AK8: variants seen among roughly 807,000 people sequenced by gnomAD.
AK8 encodes the protein ATP-AMP transphosphorylase 8.
A neutral mutation model predicts 54.6 loss-of-function variants in AK8; 44 were observed. The observed-to-expected ratio is 0.81, with a 90% confidence interval of 0.63 to 1.04. The LOEUF is 1.04. Among genes scored for constraint, AK8 ranks in the 50% least tolerant of loss-of-function variants. AK8 has a pLI of 0.00. For synonymous variants in AK8, 239 were observed against 245.6 expected (o/e 0.97, Z 0.25); for missense variants, 555 against 613.6 (o/e 0.90, Z 1.01).
At chr9:132,871,201 G>A (rs1229088144) in intron 2 of AK8, among the ~76,000 whole-genome samples, 2 of 152,134 alleles carry the variant, frequency 1.3e-5, no homozygotes, top group African/African-American at 2.4e-5. Context: ...AGCTGAGATT[G>A]CGCCATTGCA....
At chr9:132,838,843 G>C (rs1842426471) in intron 5 of AK8, among the ~76,000 whole-genome samples, 1 of 152,222 alleles carries the variant, frequency 6.6e-6, no homozygotes, top group South Asian at 2.1e-4. Context: ...TCATAGGACA[G>C]TCATGCAGGT....
At chr9:132,828,365 G>A (rs533213971) in intron 6 of AK8, among the ~76,000 whole-genome samples, 6 of 152,204 alleles carry the variant, frequency 3.9e-5, no homozygotes, top group East Asian at 3.8e-4. Flanking sequence ...ATCTCTGTGC[G>A]CACTAAATGC....
intron 11 of AK8, among the ~76,000 whole-genome samples, chr9:132,783,765 A>G (rs971872205): frequency 1.3e-5 from 2 of 152,188 alleles, no homozygotes; most frequent in Non-Finnish European, 2.9e-5. Context: ...AAGAAAGCTC[A>G]CAAAATGAAG....
At chr9:132,761,498 C>T (rs11243906) in intron 11 of AK8, among the ~76,000 whole-genome samples, 39,646 of 151,946 alleles carry the variant, frequency 0.26, 7,183 homozygotes, top group African/African-American at 0.51. Context: ...CCTGGCTTCA[C>T]GTATCTGCCC....
Position 132,727,444 on chromosome 9 carries a change from C to A in AK8, c.1202+10G>T. ...CCCAGACTGCCAACCACCAGGAACA[C>A]AGCACAAACCTTTCCCCAGTGACTG... On this transcript the variant is annotated intron_variant, in intron 12 of 12. Transcript: ENST00000298545. 6.2e-7 allele frequency: 1 copy of A among 1,614,012 alleles called. No homozygotes were observed.
chr9:132,740,145 C>T (rs1372016986), intron 11 of AK8, among the ~76,000 whole-genome samples: 2 of 152,254 alleles, frequency 1.3e-5, no homozygotes, highest in African/African-American at 2.4e-5. Flanking sequence ...GCCACAGCAG[C>T]CCCCTAAGGC....
chr9:132,810,384 AAC>A (rs1165375490), intron 10 of AK8, among the ~76,000 whole-genome samples: 1 of 151,956 alleles, frequency 6.6e-6, no homozygotes, highest in Admixed American at 6.6e-5. Flanking sequence ...ACAAAAAACA[AAC>A]ACAAAAACGA....
intron 5 of AK8, among the ~76,000 whole-genome samples, chr9:132,848,282 T>C (rs1489806293): frequency 2.0e-5 from 3 of 152,022 alleles, no homozygotes; most frequent in Non-Finnish European, 2.9e-5. Context: ...TATGGGAAAA[T>C]GCTGGCCCAT....
chr9:132,830,658 G>T (rs922593716), intron 5 of AK8, among the ~76,000 whole-genome samples: 1 of 152,118 alleles, frequency 6.6e-6, no homozygotes, highest in Non-Finnish European at 1.5e-5. Context: ...TTAAGAACGT[G>T]AACCCATTTT....
At position 132,801,960 on chromosome 9, in the gene AK8, C is replaced by G. The variant is rs539598204; in HGVS notation, c.980-9185G>C. ...TCTGGGGCTGCTTGCTGCCACCTGA[C>G]TTTTAGGAGGACGAGCACTGTGACG... On this transcript the variant is annotated intron_variant, in intron 10 of 12. Coordinates refer to ENST00000298545, the MANE Select transcript of AK8 (RefSeq NM_152572.3). Among the ~76,000 whole-genome samples, 5 of 152,340 alleles carry G rather than the reference C, an allele frequency of 3.3e-5. No individual in the cohort carries two copies. In the East Asian group the frequency reaches 9.6e-4, roughly 29 times the overall value.
chr9:132,788,119 GAAATAATT>G (rs1588131114), intron 11 of AK8, among the ~76,000 whole-genome samples: 29 of 152,134 alleles, frequency 1.9e-4, no homozygotes, highest in South Asian at 6.2e-4. Flanking sequence ...ATGAGATGTG[GAAATAATT>G]AACTAATAGG....
chr9:132,805,958 AATAAACCTCT>A, intron 10 of AK8, among the ~76,000 whole-genome samples: 2 of 152,064 alleles, frequency 1.3e-5, no homozygotes, highest in Admixed American at 6.5e-5. Flanking sequence ...GGCATCCATT[AATAAACCTCT>A]AGGCCACCCT....
intron 12 of AK8, 115 bp downstream of exon 12, chr9:132,727,339 C>A: frequency 1.1e-6 from 1 of 939,702 alleles, no homozygotes; most frequent in Non-Finnish European, 1.7e-6. Flanking sequence ...GATAATCGTC[C>A]TTCAGTGGTC....
At chr9:132,771,986 T>C (rs989073706) in intron 11 of AK8, among the ~76,000 whole-genome samples, 1 of 151,826 alleles carries the variant, frequency 6.6e-6, no homozygotes, top group Non-Finnish European at 1.5e-5. Context: ...GCAGGGGAAC[T>C]CCCCCTTAAA....
chr9:132,735,278 C>CA (rs1354549460), intron 11 of AK8, among the ~76,000 whole-genome samples: 10 of 152,340 alleles, frequency 6.6e-5, no homozygotes, highest in African/African-American at 2.2e-4. Flanking sequence ...CCTCCTTCCT[C>CA]AATGACCTTG....
intron 2 of AK8, among the ~76,000 whole-genome samples, chr9:132,872,485 T>C (rs1162696051): frequency 6.6e-6 from 1 of 151,734 alleles, no homozygotes; most frequent in African/African-American, 2.4e-5. Context: ...TTAGATAGAG[T>C]CTTACTATGT....
chr9:132,780,137 A>ACT (rs1417354523), intron 11 of AK8, among the ~76,000 whole-genome samples: 16 of 152,286 alleles, frequency 1.1e-4, no homozygotes, highest in Admixed American at 7.8e-4. Flanking sequence ...ACAAAGTGGG[A>ACT]GGGGCTGTTT....
intron 8 of AK8, 88 bp from the exon 9 acceptor site, chr9:132,823,424 G>C: frequency 6.5e-7 from 1 of 1,545,264 alleles, no homozygotes; most frequent in Non-Finnish European, 8.9e-7. Context: ...CTCTTTTAAC[G>C]GCAGTAACTC....
At chr9:132,846,994 G>A (rs752138634) in intron 5 of AK8, among the ~76,000 whole-genome samples, 1 of 152,230 alleles carries the variant, frequency 6.6e-6, no homozygotes, top group Non-Finnish European at 1.5e-5. Context: ...CCCGGGCCGA[G>A]ATAGAGAGCT....
Sources: allele counts gnomAD v4.1 joint callset (sites outside exome capture counted in the v4.1 genomes callset), GRCh38; gene constraint gnomAD v4.1.1; transcripts MANE v1.5; gene names NCBI Gene and HGNC (gene_info 2026-07-23, HGNC 2026-07-21).